The following SLC45A2 variants were observed in gnomAD, a reference collection of about 807,000 sequenced individuals.
The protein encoded by SLC45A2 is membrane-associated transporter protein.
A neutral mutation model predicts 45.5 loss-of-function variants in SLC45A2; 36 were observed. The ratio of observed to expected loss-of-function variants is 0.79; its 90% confidence interval spans 0.61 to 1.04. The LOEUF (loss-of-function observed/expected upper bound fraction) is 1.04, where lower values mean the gene tolerates loss of function less well. SLC45A2 is among the 50% of genes least tolerant of loss of function. SLC45A2 has a pLI of 0.00. For synonymous variants in SLC45A2, 306 were observed against 269.3 expected, an observed-to-expected ratio of 1.14 and a Z score of -1.33; for missense variants, 719 against 671.0, an observed-to-expected ratio of 1.07 and a Z score of -0.79.
chr5:33,965,341 A>G (rs1156286466), intron 2 of SLC45A2, among the ~76,000 whole-genome samples: 2 of 152,354 alleles, frequency 1.3e-5, no homozygotes, highest in East Asian at 3.9e-4. Context: ...AATTTATTCA[A>G]ATTAGTGAGA....
chr5:33,947,153 G>T lies in SLC45A2; in HGVS notation c.1368+10C>A. ...ATGTTACCCAAGGCAGAGGTTCAAT[G>T]ACAGCACACCTCCTTTTCTTCCTCG... On this transcript the variant is annotated intron_variant, in intron 6 of 6. Coordinates refer to ENST00000296589, the MANE Select transcript of SLC45A2 (RefSeq NM_016180.5). 6.2e-7 allele frequency: 1 copy of T among 1,614,200 alleles called. No individual in the cohort carries two copies. The highest frequency in any genetic ancestry group is 1.1e-5 in the South Asian group (1 of 91,076).
At chr5:33,955,642 T>TACAC (rs796587683) in intron 3 of SLC45A2, among the ~76,000 whole-genome samples, 1 of 151,336 alleles carries the variant, frequency 6.6e-6, no homozygotes, top group Admixed American at 6.6e-5. Context: ...TATATGTTTA[T>TACAC]ACACACACAC....
At chr5:33,972,056 T>C (rs1360700805) in intron 2 of SLC45A2, 1 of 486,736 alleles carries the variant, frequency 2.1e-6, no homozygotes, top group Non-Finnish European at 4.2e-6. Context: ...CTGCAATTTC[T>C]TAAAGGTTGT....
intron 6 of SLC45A2, chr5:33,945,993 G>A (rs1405399438): frequency 2.0e-6 from 2 of 985,330 alleles, no homozygotes; most frequent in Non-Finnish European, 2.4e-6. Context: ...GCACTTTTGT[G>A]TATCATTGTG....
intron 3 of SLC45A2, among the ~76,000 whole-genome samples, chr5:33,958,657 C>G (rs547535150): frequency 6.6e-6 from 1 of 152,296 alleles, no homozygotes. Flanking sequence ...GCTGGGATTA[C>G]AGGAATGAGC....
rs781178201 is a variant in SLC45A2, at chr5:33,963,827, G to C, written c.752C>G (p.Pro251Arg). The change falls in exon 3 of 7, where the codon CCA becomes CGA. Residue 251 changes from proline to arginine, a missense_variant. By Grantham distance (103) the Pro-to-Arg change is moderately radical. Coordinates refer to ENST00000296589, the MANE Select transcript of SLC45A2 (RefSeq NM_016180.5). ...TGGAGGGTCCTGAGGGGTTTGCTGT[G>C]GGGGAATGCCCTTTGCAACCTCTGT... ...PLTEVAKGIP[P>R]QQTPQDPPLS... 9 of 1,613,936 alleles carry C rather than the reference G, an allele frequency of 5.6e-6. No individual in the cohort carries two copies.
rs777504801 is a variant in SLC45A2, at chr5:33,963,836, C to A, written c.743G>T (p.Gly248Val). ...CTGAGGGGTTTGCTGTGGGGGAATGCCCTTTGCAACCTCTGTAAGTGGGGC... is the reference window on the plus strand; with the variant it reads ...CTGAGGGGTTTGCTGTGGGGGAATGACCTTTGCAACCTCTGTAAGTGGGGC... ...SEAPLTEVAK[G>V]IPPQQTPQDP... Residue 248 changes from glycine to valine, a missense_variant, in exon 3 of 7, where the codon GGC (glycine) becomes GTC (valine). Physicochemically the swap from Gly to Val is moderately radical, Grantham distance 109. Transcript: ENST00000296589. 2 of 1,614,102 alleles carry A rather than the reference C, an allele frequency of 1.2e-6. No homozygotes were observed. Among genetic ancestry groups the A allele is most frequent in the Non-Finnish European group, 1.7e-6 (2 of 1,180,004 alleles).
intron 5 of SLC45A2, among the ~76,000 whole-genome samples, chr5:33,947,758 A>G (rs1008459098): frequency 6.6e-6 from 1 of 152,242 alleles, no homozygotes; most frequent in South Asian, 2.1e-4. Flanking sequence ...CCATAGGACG[A>G]AAATAATAAC....
intron 4 of SLC45A2, among the ~76,000 whole-genome samples, chr5:33,953,044 T>C (rs1752161935): frequency 9.6e-6 from 1 of 104,674 alleles, no homozygotes; most frequent in African/African-American, 3.7e-5. Context: ...TATGGCTGCA[T>C]AGTATTCCAT....
intron 3 of SLC45A2, among the ~76,000 whole-genome samples, chr5:33,959,889 A>G (rs548040362): frequency 6.6e-6 from 1 of 152,286 alleles, no homozygotes; most frequent in East Asian, 1.9e-4. Flanking sequence ...TCAAGGGAAA[A>G]CTACTTACAC....
intron 2 of SLC45A2, among the ~76,000 whole-genome samples, chr5:33,974,134 C>A (rs1752859801): frequency 6.6e-6 from 1 of 152,216 alleles, no homozygotes. Flanking sequence ...GTGAGTACCA[C>A]TCTGTTAGCT....
rs991056491 is a variant in SLC45A2, at chr5:33,946,540, T to G, written c.1368+623A>C. ...GAAACACCAACTCTGTTATAAGCAC[T>G]GCATAGGCGCTTGTTCACTAGTTGC... is the stretch of plus-strand genomic sequence containing the variant. On this transcript the variant is annotated intron_variant, in intron 6 of 6. Coordinates refer to ENST00000296589, the MANE Select transcript of SLC45A2 (RefSeq NM_016180.5). 4.0e-6 allele frequency: 4 copies of G among 988,626 alleles called. No individual in the cohort carries two copies. The South Asian group carries it at 1.4e-4, about 34-fold the overall frequency. 61.2% of individuals were successfully genotyped at this position (988,626 alleles called of 1,614,324 possible).
Position 33,984,281 on chromosome 5 carries a change from G to A in SLC45A2, c.303C>T (p.Arg101=), listed in dbSNP as rs1753170772. The A allele has an allele frequency of 1.9e-6, 3 of 1,614,174 alleles. No individual in the cohort carries two copies. Among genetic ancestry groups the A allele is most frequent in the Non-Finnish European group, 2.5e-6 (3 of 1,180,036 alleles). Residue 101 remains arginine (R), a synonymous_variant, in exon 1 of 7, where the codon CGC becomes CGT. Transcript: ENST00000296589. ...ASDHCRSRWG[R]RRPYILTLGV... The stretch of plus-strand genomic sequence containing the variant: ...CCAGGGTGAGGATGTAGGGTCTCCG[G>A]CGGCCCCACCTGGACCGGCAGTGGT...
At chr5:33,984,141 G>A (rs1753164681) in intron 1 of SLC45A2, 58 bp downstream of exon 1, 2 of 1,605,882 alleles carry the variant, frequency 1.2e-6, no homozygotes, top group African/African-American at 1.3e-5. Context: ...TCCTCCTCCT[G>A]CAGAGGTACA....
intron 3 of SLC45A2, among the ~76,000 whole-genome samples, chr5:33,955,174 TGAAAG>T (rs1752238608): frequency 6.6e-6 from 1 of 152,108 alleles, no homozygotes. Context: ...GGAAGCCACT[TGAAAG>T]GACCTGAGAG....
chr5:33,960,082 G>A (rs1752403824), intron 3 of SLC45A2, among the ~76,000 whole-genome samples: 1 of 151,984 alleles, frequency 6.6e-6, no homozygotes, highest in Non-Finnish European at 1.5e-5. Context: ...TCCTAGATTG[G>A]ATCAGAAAAA....
chr5:33,951,840 T>C (rs1752111820), intron 4 of SLC45A2, among the ~76,000 whole-genome samples, 163 bp from the exon 5 acceptor site: 1 of 152,132 alleles, frequency 6.6e-6, no homozygotes, highest in East Asian at 1.9e-4. Context: ...TCCTATCACA[T>C]CTTCATTCAA....
intron 1 of SLC45A2, 49 bp downstream of exon 1, chr5:33,984,150 C>G (rs750922083): frequency 6.2e-7 from 1 of 1,610,736 alleles, no homozygotes; most frequent in South Asian, 1.1e-5. Context: ...TGCAGAGGTA[C>G]ACACTAAGAC....
chr5:33,961,498 C>T (rs539384069), intron 3 of SLC45A2, among the ~76,000 whole-genome samples: 1 of 152,310 alleles, frequency 6.6e-6, no homozygotes, highest in East Asian at 1.9e-4. Context: ...TTTGCTGATG[C>T]TCTTCTGTCA....
Sources: allele counts gnomAD v4.1 joint callset (sites outside exome capture counted in the v4.1 genomes callset), GRCh38; gene constraint gnomAD v4.1.1; transcripts MANE v1.5; gene names NCBI Gene and HGNC (gene_info 2026-07-23, HGNC 2026-07-21).